The following AAMDC variants were observed in gnomAD, a reference collection of about 807,000 sequenced individuals.
AAMDC encodes the protein mth938 domain-containing protein.
A neutral mutation model predicts 15.5 loss-of-function variants in AAMDC; 16 were observed. That is an observed-to-expected ratio of 1.03 (90% CI 0.70 to 1.57). AAMDC has a LOEUF of 1.57. Among genes scored for constraint, AAMDC ranks in the 40% most tolerant of loss-of-function variants. The probability of loss-of-function intolerance (pLI) is 0.00; values close to 1 mark genes in which losing one functional copy is unlikely to be tolerated. For missense variants in AAMDC, 141 were observed against 144.9 expected (o/e 0.97, Z 0.14); for synonymous variants, 51 against 51.6 (o/e 0.99, Z 0.05).
chr11:77,874,247 G>A (rs1477300600), downstream of AAMDC, among the ~76,000 whole-genome samples: 3 of 152,102 alleles, frequency 2.0e-5, no homozygotes, highest in Admixed American at 6.6e-5. Context: ...TGCCCTTTCC[G>A]CAGCCCTTTC....
chr11:77,890,670 T>G (rs1263404508), intron 5 of AAMDC, among the ~76,000 whole-genome samples: 1 of 152,104 alleles, frequency 6.6e-6, no homozygotes, highest in African/African-American at 2.4e-5. Context: ...GAGGAAGAAC[T>G]GTGACATATT....
intron 1 of AAMDC, among the ~76,000 whole-genome samples, chr11:77,835,036 G>C (rs1314828131): frequency 6.6e-6 from 1 of 152,160 alleles, no homozygotes; most frequent in Non-Finnish European, 1.5e-5. Flanking sequence ...TTATTTTGGA[G>C]ACTAGTACTT....
At chr11:77,858,626 C>A (rs910016805) in intron 2 of AAMDC, among the ~76,000 whole-genome samples, 4 of 152,200 alleles carry the variant, frequency 2.6e-5, no homozygotes, top group South Asian at 2.1e-4. Context: ...GTCTCTCAGT[C>A]CCCCCTCTCA....
intron 5 of AAMDC, among the ~76,000 whole-genome samples, chr11:77,889,315 A>C (rs113671826): frequency 6.7e-6 from 1 of 148,812 alleles, no homozygotes; most frequent in Non-Finnish European, 1.5e-5. Context: ...CAAACACCGC[A>C]TGTTCTCACT....
chr11:77,884,818 G>A (rs1463273598), intron 5 of AAMDC: 1 of 405,918 alleles, frequency 2.5e-6, no homozygotes, highest in Non-Finnish European at 5.1e-6. Flanking sequence ...GCAGTGGCAC[G>A]ATCATAACTC....
At chr11:77,884,654 G>A in intron 5 of AAMDC, 1 of 222,578 alleles carries the variant, frequency 4.5e-6, no homozygotes, top group South Asian at 5.8e-5. Context: ...TTGAAACTGT[G>A]GTCAATGTTG....
At chr11:77,895,719 T>C (rs1407522566) in intron 5 of AAMDC, among the ~76,000 whole-genome samples, 1 of 152,014 alleles carries the variant, frequency 6.6e-6, no homozygotes, top group Non-Finnish European at 1.5e-5. Flanking sequence ...CAGTGACATT[T>C]CCTCATTTGT....
chr11:77,868,789 C>A, intron 2 of AAMDC: 1 of 239,182 alleles, frequency 4.2e-6, no homozygotes, highest in South Asian at 7.6e-5. Flanking sequence ...GTGTGCTTCT[C>A]TGGGTGTAGC....
chr11:77,845,683 G>A (rs1251486854), intron 2 of AAMDC, among the ~76,000 whole-genome samples: 1 of 152,112 alleles, frequency 6.6e-6, no homozygotes, highest in African/African-American at 2.4e-5. Context: ...ACCCACCTCG[G>A]CCTCCCAAAG....
intron 1 of AAMDC, among the ~76,000 whole-genome samples, chr11:77,828,612 A>T (rs1949283831): frequency 6.6e-6 from 1 of 151,306 alleles, no homozygotes; most frequent in South Asian, 2.1e-4. Flanking sequence ...TGGAGCTTGC[A>T]GTGAGCCAAG....
At chr11:77,903,364 T>G (rs1401218530), downstream of AAMDC, among the ~76,000 whole-genome samples, 1 of 152,240 alleles carries the variant, frequency 6.6e-6, no homozygotes, top group Admixed American at 6.5e-5. Context: ...AGCTTACCTG[T>G]GTTGCTGCTG....
chr11:77,872,201 C>G lies in AAMDC; in HGVS notation c.255C>G (p.Leu85=), dbSNP rs752285965. The G allele has an allele frequency of 2.5e-6, 4 of 1,613,642 alleles. No individual in the cohort carries two copies. Among genetic ancestry groups the G allele is most frequent in the Non-Finnish European group, 3.4e-6 (4 of 1,179,804 alleles). The part of the protein sequence containing the change: ...LKVPSSTVEY[L]KKHGIDVRVL... ...TGCCTTCATCAACTGTGGAGTACCT[C>G]AAGAAACATGGCATTGATGTGCGGG... The change falls in exon 4 of 4, where the codon CTC becomes CTG. Residue 85 remains leucine (L), a synonymous_variant. Transcript: ENST00000393427.
chr11:77,857,031 A>G (rs1950648640), intron 2 of AAMDC, among the ~76,000 whole-genome samples: 1 of 152,246 alleles, frequency 6.6e-6, no homozygotes, highest in South Asian at 2.1e-4. Flanking sequence ...GATGTGTAGC[A>G]TCATTAATTC....
Position 77,878,963 on chromosome 11 carries a change from G to C in AAMDC, c.328+1914G>C, listed in dbSNP as rs757466320. 1 of 1,613,958 alleles carries C rather than the reference G, an allele frequency of 6.2e-7. No homozygotes were observed. Among genetic ancestry groups the C allele is most frequent in the African/African-American group, 1.3e-5 (1 of 75,020 alleles). On this transcript the variant is annotated intron_variant, in intron 5 of 5. Transcript: ENST00000304716. Reference sequence around the variant, plus strand: ...CTGTTTTTGCCTTAGCGCCGTGCAGGTTTGGGCATTATATAAACTTTTACA... The same window carrying C: ...CTGTTTTTGCCTTAGCGCCGTGCAGCTTTGGGCATTATATAAACTTTTACA...
intron 2 of AAMDC, among the ~76,000 whole-genome samples, chr11:77,849,314 C>T (rs566514106): frequency 1.6e-4 from 25 of 152,202 alleles, no homozygotes; most frequent in Non-Finnish European, 3.1e-4. Flanking sequence ...CTCTGACTCC[C>T]GGGTTCAAGC....
chr11:77,870,819 C>A (rs1320359027), intron 3 of AAMDC, among the ~76,000 whole-genome samples: 1 of 152,096 alleles, frequency 6.6e-6, no homozygotes, highest in Non-Finnish European at 1.5e-5. Context: ...TATAGATATA[C>A]GTTTATATAC....
chr11:77,828,614 T>A (rs1949283990), intron 1 of AAMDC, among the ~76,000 whole-genome samples: 1 of 146,412 alleles, frequency 6.8e-6, no homozygotes. Flanking sequence ...GAGCTTGCAG[T>A]GAGCCAAGAT....
downstream of AAMDC, chr11:77,900,851 T>C (rs1952757229): frequency 3.7e-6 from 2 of 533,378 alleles, no homozygotes; most frequent in Admixed American, 3.4e-5. Context: ...TCAAGTACCA[T>C]GCTAAGTGTT....
At chr11:77,867,834 G>A (rs978507643) in intron 2 of AAMDC, among the ~76,000 whole-genome samples, 3 of 152,182 alleles carry the variant, frequency 2.0e-5, no homozygotes, top group Non-Finnish European at 4.4e-5. Flanking sequence ...ACTTTTCAGA[G>A]TGATTGGTAG....
Sources: gnomAD v4.1 joint callset for allele counts (sites outside exome capture counted in the v4.1 genomes callset) on GRCh38, gnomAD v4.1.1 for gene constraint, MANE v1.5 for transcripts, NCBI Gene and HGNC (gene_info 2026-07-23, HGNC 2026-07-21) for gene names.